Variants in ERCC6L2 observed in about 807,000 individuals in gnomAD.
ERCC6L2 encodes the protein DNA excision repair protein ERCC-6-like 2.
In ERCC6L2, 77 loss-of-function variants were observed where a neutral mutation model predicts 132.0. That is an observed-to-expected ratio of 0.58 (90% CI 0.49 to 0.71). The LOEUF (loss-of-function observed/expected upper bound fraction) is 0.71. ERCC6L2 is among the 30% of genes least tolerant of loss of function. The probability of loss-of-function intolerance (pLI) is 0.00; values close to 1 mark genes in which losing one functional copy is unlikely to be tolerated. For synonymous variants in ERCC6L2, 583 were observed against 632.4 expected (o/e 0.92, Z 1.17); for missense variants, 1,542 against 1,837.6 (o/e 0.84, Z 2.94).
intron 2 of ERCC6L2, among the ~76,000 whole-genome samples, chr9:95,887,835 A>G (rs904300108): frequency 6.6e-6 from 1 of 152,194 alleles, no homozygotes; most frequent in African/African-American, 2.4e-5. Flanking sequence ...GAATATAGTA[A>G]TAAAGAGAAA....
In ERCC6L2 at chr9:95,881,008, G is replaced by C. The variant is rs760074333; in HGVS notation, c.186G>C (p.Arg62Ser). The C allele has an allele frequency of 6.2e-7, 1 of 1,613,976 alleles. No individual in the cohort carries two copies. Among genetic ancestry groups the C allele is most frequent in the East Asian group, 2.2e-5 (1 of 44,854 alleles). ...AVVLYADFQE[R>S]KIPLKQLQEV... ...TCTTATATGCAGATTTTCAAGAAAGGAAAATACCTCTTAAACAGCTTCAAG... is the reference window on the plus strand; with the variant it reads ...TCTTATATGCAGATTTTCAAGAAAGCAAAATACCTCTTAAACAGCTTCAAG... The change falls in exon 2 of 19, where the codon AGG (arginine) becomes AGC (serine). Residue 62 changes from arginine to serine, a missense_variant. This residue lies in a region of ERCC6L2 where 153 missense variants were observed against 132.3 expected (regional missense o/e 1.16). Transcript: ENST00000653738.
Position 95,997,273 on chromosome 9 carries a change from T to C in ERCC6L2, c.3493-7247T>C, listed in dbSNP as rs146435161. Among the ~76,000 whole-genome samples, 242 of 152,304 alleles carry C rather than the reference T, an allele frequency of 1.6e-3. 2 individuals carry two copies. Among genetic ancestry groups the C allele is most frequent in the African/African-American group, 5.4e-3 (226 of 41,568 alleles). On this transcript the variant is annotated intron_variant, in intron 17 of 18. Coordinates refer to ENST00000653738, the MANE Select transcript of ERCC6L2 (RefSeq NM_020207.7). ...GTTTGGAAGAAGTTGATTCCAGCCC[T>C]CATGGATGACTTTGAGAGATTCAAG...
intron 16 of ERCC6L2, among the ~76,000 whole-genome samples, chr9:95,974,509 T>G (rs1424351772): frequency 1.3e-5 from 2 of 152,190 alleles, no homozygotes; most frequent in African/African-American, 4.8e-5. Flanking sequence ...ATGCTGCTAG[T>G]CATTTTGGAA....
At chr9:95,884,788 C>T (rs1428426046) in intron 2 of ERCC6L2, among the ~76,000 whole-genome samples, 2 of 152,102 alleles carry the variant, frequency 1.3e-5, no homozygotes, top group African/African-American at 4.8e-5. Context: ...AAGACGTGGA[C>T]ATAGAAAGAA....
chr9:96,006,772 C>G (rs1476696789), intron 18 of ERCC6L2, among the ~76,000 whole-genome samples: 1 of 152,068 alleles, frequency 6.6e-6, no homozygotes, highest in Non-Finnish European at 1.5e-5. Flanking sequence ...GTGACATTTT[C>G]TCAATGAGTT....
At chr9:95,892,614 G>A (rs899359747) in intron 2 of ERCC6L2, among the ~76,000 whole-genome samples, 1 of 151,590 alleles carries the variant, frequency 6.6e-6, no homozygotes, top group Non-Finnish European at 1.5e-5. Flanking sequence ...GTAGAAGCAG[G>A]GTTTCACCAT....
chr9:95,966,638 A>C lies in ERCC6L2; in HGVS notation c.2024A>C (p.Gln675Pro). 6.5e-7 allele frequency: 1 copy of C among 1,546,866 alleles called. No homozygotes were observed. The highest frequency in any genetic ancestry group is 1.2e-5 in the South Asian group (1 of 81,330). The part of the protein sequence containing the change: ...FEAVQGSKEH[Q>P]GELFGIHNLF... ...GCAGTTCAAGGATCTAAAGAGCATC[A>C]AGGAGAGCTTTTTGGGATCCATAAC... The change falls in exon 14 of 19, where the codon CAA becomes CCA. Residue 675 changes from glutamine (Q) to proline (P), a missense_variant. Transcript: ENST00000653738.
chr9:96,025,519 G>A (rs1018471304), intron 19 of ERCC6L2, among the ~76,000 whole-genome samples: 1 of 152,172 alleles, frequency 6.6e-6, no homozygotes, highest in African/African-American at 2.4e-5. Context: ...CTGAGTTTCT[G>A]GAGATGACTA....
intron 12 of ERCC6L2, among the ~76,000 whole-genome samples, chr9:95,952,468 C>G (rs1332589877): frequency 6.6e-6 from 1 of 152,012 alleles, no homozygotes; most frequent in Non-Finnish European, 1.5e-5. Context: ...GTGTAATATG[C>G]CACATTAACG....
chr9:95,956,110 C>T, intron 13 of ERCC6L2, 97 bp downstream of exon 13: 2 of 575,644 alleles, frequency 3.5e-6, no homozygotes, highest in Non-Finnish European at 2.9e-6. Context: ...TTAAATCTTA[C>T]TGTATTGCGG....
At chr9:95,969,963 T>G (rs560710383) in intron 14 of ERCC6L2, among the ~76,000 whole-genome samples, 2 of 152,290 alleles carry the variant, frequency 1.3e-5, no homozygotes, top group East Asian at 3.9e-4. Flanking sequence ...TCTAGGCCAT[T>G]AGAACTTCTG....
At chr9:95,923,123 A>C (rs1829948554) in intron 8 of ERCC6L2, 137 bp from the exon 9 acceptor site, 1 of 932,588 alleles carries the variant, frequency 1.1e-6, no homozygotes, top group East Asian at 2.8e-5. Flanking sequence ...TTGAATTCTT[A>C]GTCTGACTTA....
At chr9:95,883,411 A>G (rs1048340211) in intron 2 of ERCC6L2, among the ~76,000 whole-genome samples, 1 of 152,218 alleles carries the variant, frequency 6.6e-6, no homozygotes, top group Non-Finnish European at 1.5e-5. Context: ...CAGTAACGCC[A>G]TCTGTGACCA....
chr9:95,932,436 C>T (rs911000429), intron 11 of ERCC6L2, among the ~76,000 whole-genome samples: 1 of 152,110 alleles, frequency 6.6e-6, no homozygotes, highest in East Asian at 1.9e-4. Context: ...TGTTTTAGAA[C>T]ATCAGTGTGT....
chr9:95,961,336 T>A (rs1587983161), intron 13 of ERCC6L2, among the ~76,000 whole-genome samples: 1 of 151,744 alleles, frequency 6.6e-6, no homozygotes. Flanking sequence ...GAGATTGGAG[T>A]GATGCCACCA....
chr9:95,972,203 G>A lies in ERCC6L2; in HGVS notation c.2452G>A (p.Glu818Lys). The A allele has an allele frequency of 7.7e-7, 1 of 1,304,238 alleles. No individual in the cohort carries two copies. Among genetic ancestry groups the A allele is most frequent in the Non-Finnish European group, 1.0e-6 (1 of 988,938 alleles). 80.8% of individuals were successfully genotyped at this position (1,304,238 alleles called of 1,614,324 possible). A position where few individuals can be genotyped will look rare whatever the true frequency, so the allele number is the denominator to read the frequency against. The change falls in exon 16 of 19, where the codon GAA becomes AAA. Residue 818 changes from glutamate to lysine, a missense_variant. Coordinates refer to ENST00000653738, the MANE Select transcript of ERCC6L2 (RefSeq NM_020207.7). ...TGATGGAAATACTGCCTCTGATGAT[G>A]AAAGTTCTGATGAGCAGCCCACATG... ...DSDGNTASDD[E>K]SSDEQPTCLS... is the part of the protein sequence containing the mutation.
rs1052505764 is a variant in ERCC6L2 at position 96,017,129 on chromosome 9, T to G, written c.*3926T>G. On this transcript the variant is annotated 3_prime_UTR_variant, in exon 19 of 19. Coordinates refer to ENST00000653738, the MANE Select transcript of ERCC6L2 (RefSeq NM_020207.7). ...ATACAGACTTGTTTCTGGTTTCATC[T>G]TCCACCAGAGATTGCAAAGCATCCT... 6.6e-6 allele frequency among the ~76,000 whole-genome samples: 1 copy of G among 152,200 alleles called. No individual in the cohort carries two copies. Among genetic ancestry groups the G allele is most frequent in the Non-Finnish European group, 1.5e-5 (1 of 68,024 alleles).
chr9:96,016,216 T>C lies in ERCC6L2; in HGVS notation c.*3013T>C, dbSNP rs1293932938. 2.0e-5 allele frequency among the ~76,000 whole-genome samples: 3 copies of C among 152,242 alleles called. No individual in the cohort carries two copies. The highest frequency in any genetic ancestry group is 7.2e-5 in the African/African-American group (3 of 41,466). On this transcript the variant is annotated 3_prime_UTR_variant, in exon 19 of 19. Transcript: ENST00000653738. ...TTAGATCAGTGGTGGTCAGCCATTT[T>C]CTTAAAGCAACTGAACTGTATCTTA...
chr9:95,925,243 C>G (rs111429819), intron 9 of ERCC6L2, among the ~76,000 whole-genome samples: 1 of 152,122 alleles, frequency 6.6e-6, no homozygotes, highest in Admixed American at 6.6e-5. Flanking sequence ...AGGGGTTAGT[C>G]ACAAGTTGCA....
Sources: gnomAD v4.1 joint callset for allele counts (sites outside exome capture counted in the v4.1 genomes callset) on GRCh38, gnomAD v4.1.1 for gene constraint, gnomAD v4.1.1 regional missense constraint, MANE v1.5 for transcripts, NCBI Gene and HGNC (gene_info 2026-07-23, HGNC 2026-07-21) for gene names.